Variants in PCSK6 observed in about 807,000 individuals in gnomAD.
The protein encoded by PCSK6 is proprotein convertase subtilisin/kexin type 6, also known as paired basic amino acid cleaving enzyme 4.
A neutral mutation model predicts 123.3 loss-of-function variants in PCSK6; 85 were observed. The observed-to-expected ratio is 0.69, with a 90% CI of 0.58 to 0.83. PCSK6 has a LOEUF of 0.83. Among genes scored for constraint, PCSK6 ranks in the 40% least tolerant of loss-of-function variants. The probability of loss-of-function intolerance (pLI) is 0.00; values close to 1 mark genes in which losing one functional copy is unlikely to be tolerated. For missense variants in PCSK6, 1,191 were observed against 1,282.3 expected, an observed-to-expected ratio of 0.93 and a Z score of 1.09; for synonymous variants, 508 against 516.0, an observed-to-expected ratio of 0.98 and a Z score of 0.21.
In PCSK6 at chr15:101,376,084, C is replaced by T. The variant is rs535782332; in HGVS notation, c.1533-5561G>A. ...AGTGTATTTAGTGCCACATTTTTCA[C>T]ATTTTTGTGCTGTTTTTTGTTTTTT... On this transcript the variant is annotated intron_variant, in intron 11 of 21. Coordinates refer to ENST00000611716, the MANE Select transcript of PCSK6 (RefSeq NM_002570.5). 1.1e-4 allele frequency among the ~76,000 whole-genome samples: 16 copies of T among 152,246 alleles called. 1 individual carries two copies. Among genetic ancestry groups the T allele is most frequent in the Admixed American group, 9.2e-4 (14 of 15,290 alleles).
intron 1 of PCSK6, among the ~76,000 whole-genome samples, chr15:101,463,719 A>G (rs1227135624): frequency 1.3e-5 from 2 of 152,180 alleles, no homozygotes; most frequent in East Asian, 3.9e-4. Context: ...TCATGATTAT[A>G]CATGATACTG....
Position 101,489,405 on chromosome 15 carries a change from G to C in PCSK6, c.266C>G (p.Ala89Gly). The C allele has an allele frequency of 7.8e-7, 1 of 1,276,604 alleles. No individual in the cohort carries two copies. Among genetic ancestry groups the C allele is most frequent in the Non-Finnish European group, 1.0e-6 (1 of 997,664 alleles). The allele number at this position is 1,276,604 out of a possible 1,614,324, so 79.1% of individuals were successfully genotyped here. A position where few individuals can be genotyped will look rare whatever the true frequency, so the allele number is the denominator to read the frequency against. Residue 89 changes from alanine to glycine, a missense_variant, in exon 1 of 22, where the codon GCG becomes GGG. Physicochemically the swap from Ala to Gly is moderately conservative, Grantham distance 60 (BLOSUM62 0). Coordinates refer to ENST00000611716, the MANE Select transcript of PCSK6 (RefSeq NM_002570.5). Reference protein sequence around the residue: ...LGGPAEADRVAAAHGYLNLGQ... With the variant: ...LGGPAEADRVGAAHGYLNLGQ... ...CAAGTTGAGGTACCCGTGCGCCGCC[G>C]CCACGCGGTCCGCCTCGGCCGGGCC...
At chr15:101,403,502 A>C (rs2042672144) in intron 6 of PCSK6, among the ~76,000 whole-genome samples, 1 of 152,136 alleles carries the variant, frequency 6.6e-6, no homozygotes, top group Non-Finnish European at 1.5e-5. Flanking sequence ...TTTTCTAAAA[A>C]CACATGACTT....
At chr15:101,347,561 A>T in intron 13 of PCSK6, 1 of 1,416,916 alleles carries the variant, frequency 7.1e-7, no homozygotes, top group Non-Finnish European at 9.3e-7. Flanking sequence ...TTGCACGCAC[A>T]CGCATTCATG....
intron 13 of PCSK6, among the ~76,000 whole-genome samples, chr15:101,358,990 C>G (rs768681827): frequency 6.6e-6 from 1 of 152,192 alleles, no homozygotes; most frequent in Non-Finnish European, 1.5e-5. Context: ...CAGGCTAGCT[C>G]TCACTGTGCT....
In PCSK6 at chr15:101,426,329, G is replaced by T. The variant is rs544789957; in HGVS notation, c.823+1563C>A. 1.4e-4 allele frequency among the ~76,000 whole-genome samples: 21 copies of T among 152,348 alleles called. 1 individual carries two copies. Among genetic ancestry groups the T allele is most frequent in the Admixed American group, 8.5e-4 (13 of 15,306 alleles). ...AGAAACCTTGGCTCAGAGAGGTTAT[G>T]TAAGTTGTTCAAGGACACACAGACA... On this transcript the variant is annotated intron_variant, in intron 6 of 21. Transcript: ENST00000611716.
intron 13 of PCSK6, among the ~76,000 whole-genome samples, chr15:101,345,247 C>T (rs1406290437): frequency 6.6e-6 from 1 of 152,184 alleles, no homozygotes; most frequent in Non-Finnish European, 1.5e-5. Flanking sequence ...AGGGAGATTT[C>T]AAGACACTTG....
chr15:101,336,843 G>A (rs963519230), intron 13 of PCSK6: 2 of 152,208 alleles, frequency 1.3e-5, no homozygotes, highest in African/African-American at 4.8e-5. Flanking sequence ...GCTGAGAGCT[G>A]GGAGCTCCAA....
chr15:101,370,584 C>T (rs2041553118), intron 11 of PCSK6, 61 bp from the exon 12 acceptor site: 1 of 1,363,978 alleles, frequency 7.3e-7, no homozygotes, highest in East Asian at 2.7e-5. Context: ...ACCCACACAG[C>T]CAGGAGCTCC....
At chr15:101,454,980 G>GAATGAATAAATAAATAAATAAATAAATA (rs1322359266) in intron 1 of PCSK6, among the ~76,000 whole-genome samples, 11 of 97,880 alleles carry the variant, frequency 1.1e-4, no homozygotes, top group African/African-American at 3.1e-4. Flanking sequence ...ATGAATGAAT[G>GAATGAATAAATAAATAAATAAATAAATA]AATAAATAAA....
chr15:101,477,579 TG>T (rs1449406477), intron 1 of PCSK6, among the ~76,000 whole-genome samples: 1 of 152,186 alleles, frequency 6.6e-6, no homozygotes, highest in African/African-American at 2.4e-5. Flanking sequence ...TTTGGGGTGG[TG>T]GGACTATGGG....
intron 6 of PCSK6, among the ~76,000 whole-genome samples, chr15:101,421,812 G>A (rs2141089968): frequency 6.6e-6 from 1 of 152,292 alleles, no homozygotes; most frequent in Non-Finnish European, 1.5e-5. Context: ...TTAAGCAGCT[G>A]CATTTTTAGA....
At chr15:101,456,294 C>T (rs556451878) in intron 1 of PCSK6, among the ~76,000 whole-genome samples, 1 of 152,194 alleles carries the variant, frequency 6.6e-6, no homozygotes, top group Non-Finnish European at 1.5e-5. Context: ...GACCCACCCA[C>T]AGTGACGAGA....
rs770807822 is a variant in PCSK6, at chr15:101,305,311, C to G, written c.2857G>C (p.Glu953Gln). 1.2e-6 allele frequency: 2 copies of G among 1,612,882 alleles called. No homozygotes were observed. The highest frequency in any genetic ancestry group is 1.7e-6 in the Non-Finnish European group (2 of 1,179,828). ...CAGAACTGAATGAAGAGCTTCCGTT[C>G]GCACAGCCGGTTGGACTTCACCATC... ...CEMVKSNRLCERKLFIQFCCR... is the reference protein window; with the variant it reads ...CEMVKSNRLCQRKLFIQFCCR... Residue 953 changes from glutamate (E) to glutamine (Q), a missense_variant, in exon 22 of 22, where the codon GAA (glutamate) becomes CAA (glutamine). This residue lies in a region of PCSK6 where 630 missense variants were observed against 631.4 expected (regional missense o/e 1.00). Transcript: ENST00000611716. This position sits in a 1 kb window ranked among gnomAD's most constrained non-coding sequence, Gnocchi z 4.8.
intron 13 of PCSK6, among the ~76,000 whole-genome samples, chr15:101,350,106 C>T (rs1034827820): frequency 6.6e-6 from 1 of 152,042 alleles, no homozygotes; most frequent in Admixed American, 6.6e-5. Context: ...TAGGGTTTCA[C>T]CACGTTGGCC....
intron 7 of PCSK6, among the ~76,000 whole-genome samples, chr15:101,394,463 C>T (rs974700801): frequency 2.0e-5 from 3 of 152,128 alleles, no homozygotes; most frequent in East Asian, 1.9e-4. Flanking sequence ...ACTGAACTGA[C>T]GGATATAGTC....
intron 13 of PCSK6, among the ~76,000 whole-genome samples, chr15:101,346,164 G>A (rs2040723176): frequency 6.6e-6 from 1 of 152,174 alleles, no homozygotes; most frequent in Admixed American, 6.5e-5. Context: ...AGGCATATTT[G>A]TGGTTTCCAC....
intron 11 of PCSK6, among the ~76,000 whole-genome samples, chr15:101,374,000 C>T (rs2041660574): frequency 2.6e-5 from 4 of 152,200 alleles, no homozygotes; most frequent in Admixed American, 2.6e-4. Context: ...TCCGAGGACG[C>T]TAAGGGAGTC....
intron 13 of PCSK6, among the ~76,000 whole-genome samples, chr15:101,339,154 G>A (rs996291237): frequency 5.3e-5 from 8 of 152,194 alleles, no homozygotes; most frequent in African/African-American, 1.9e-4. Flanking sequence ...AAAGCAAGTA[G>A]GGGTGGGGGA....
Sources: gnomAD v4.1 joint callset for allele counts (sites outside exome capture counted in the v4.1 genomes callset) on GRCh38, gnomAD v4.1.1 for gene constraint, gnomAD v4.1.1 regional missense constraint, Gnocchi (gnomAD v3.1) non-coding constraint, MANE v1.5 for transcripts, NCBI Gene and HGNC (gene_info 2026-07-23, HGNC 2026-07-21) for gene names.